SEMA4G: variants seen among roughly 807,000 people sequenced by gnomAD.
SEMA4G encodes semaphorin 4G.
In SEMA4G, 59 loss-of-function variants were observed where a neutral mutation model predicts 81.2. That is an observed-to-expected ratio of 0.73 (90% CI 0.59 to 0.90). SEMA4G has a LOEUF of 0.90. Ranked by LOEUF, SEMA4G falls within the 40% of genes least tolerant of loss-of-function variation. SEMA4G has a pLI of 0.00. For synonymous variants in SEMA4G, 404 were observed against 433.9 expected (o/e 0.93, Z 0.86); for missense variants, 952 against 1,102.3 (o/e 0.86, Z 1.93).
chr10:100,974,603 A>T lies in SEMA4G; in HGVS notation c.336+994A>T, dbSNP rs147020225. ...TACAGCAAGTGATGATTTAGCTATT[A>T]TCTCAGTTAATTCTAAAATAACCCT... On this transcript the variant is annotated intron_variant, in intron 3 of 13. Transcript: ENST00000370250. Among the ~76,000 whole-genome samples, 136 of 152,378 alleles carry T rather than the reference A, an allele frequency of 8.9e-4. 1 individual carries two copies. The highest frequency in any genetic ancestry group is 3.2e-3 in the African/African-American group (134 of 41,594).
rs771127041 is a variant in SEMA4G at position 100,977,744 on chromosome 10, T to C, written c.435+14T>C. Reference sequence around the variant, plus strand: ...TGTGCAGCCATTGTGAGTATACCTGTGTTGTGCCAGATCTCTGTTGACTTC... The same window carrying C: ...TGTGCAGCCATTGTGAGTATACCTGCGTTGTGCCAGATCTCTGTTGACTTC... On this transcript the variant is annotated intron_variant, in intron 4 of 13. Coordinates refer to ENST00000370250, the Ensembl canonical transcript of SEMA4G. The C allele has an allele frequency of 6.3e-6, 10 of 1,598,120 alleles. No individual in the cohort carries two copies. Among genetic ancestry groups the C allele is most frequent in the Middle Eastern group, 1.7e-4 (1 of 6,024 alleles).
At chr10:100,982,167 G>A (rs577171731) in intron 13 of SEMA4G, among the ~76,000 whole-genome samples, 1 of 151,828 alleles carries the variant, frequency 6.6e-6, no homozygotes, top group East Asian at 1.9e-4. Flanking sequence ...CCACAAGTTA[G>A]CCAGGCAAGC....
chr10:100,971,564 T>C (rs959995010), upstream of SEMA4G, among the ~76,000 whole-genome samples: 6 of 152,198 alleles, frequency 3.9e-5, no homozygotes, highest in African/African-American at 1.2e-4. Context: ...AGTTAATATT[T>C]GACCTGGGAG....
Position 100,973,358 on chromosome 10 carries a change from G to A in SEMA4G, c.273+81G>A. ...GGGACCTCAACTTCCTTAAAACCCTGCCAGCCTTCCATAGCCCCCTGGTCA... is the reference window on the plus strand; with the variant it reads ...GGGACCTCAACTTCCTTAAAACCCTACCAGCCTTCCATAGCCCCCTGGTCA... On this transcript the variant is annotated intron_variant, in intron 2 of 13. Coordinates refer to ENST00000370250, the Ensembl canonical transcript of SEMA4G. The surrounding 1 kb of genome is among the most constrained non-coding windows in gnomAD (Gnocchi z 5.5). 6.4e-7 allele frequency: 1 copy of A among 1,557,610 alleles called. No homozygotes were observed. The highest frequency in any genetic ancestry group is 8.7e-7 in the Non-Finnish European group (1 of 1,147,032).
exon 14 of SEMA4G, chr10:100,984,507 C>A (rs140873008): frequency 1.4e-5 from 21 of 1,535,870 alleles, no homozygotes; most frequent in Non-Finnish European, 1.8e-5. Flanking sequence ...TCTGCAGGTC[C>A]ATATGGGCTC....
chr10:100,976,078 C>T (rs735137), intron 3 of SEMA4G, among the ~76,000 whole-genome samples: 5 of 151,676 alleles, frequency 3.3e-5, no homozygotes, highest in African/African-American at 4.8e-5. Context: ...CTTATGGAGA[C>T]GGGGGACAGA....
At chr10:100,978,237 T>G in intron 4 of SEMA4G, 58 bp from the exon 6 acceptor site, 4 of 1,328,426 alleles carry the variant, frequency 3.0e-6, no homozygotes, top group Non-Finnish European at 4.3e-6. Flanking sequence ...GATCTGACTT[T>G]GAGCCACTGT....
At chr10:100,979,820 A>AC (rs772051424) in intron 8 of SEMA4G, 28 bp from the exon 10 acceptor site, 43 of 1,609,742 alleles carry the variant, frequency 2.7e-5, no homozygotes, top group Non-Finnish European at 3.5e-5. Flanking sequence ...CATGTAACTC[A>AC]CCCCCCTTGC....
At chr10:100,984,817 ACTCCC>A (rs1310336433) in exon 14 of SEMA4G, 1 of 1,527,362 alleles carries the variant, frequency 6.5e-7, no homozygotes, top group Non-Finnish European at 8.8e-7. Flanking sequence ...AGACTGCATC[ACTCCC>A]CTCCTCTCCC....
chr10:100,980,108 G>A lies in SEMA4G; in HGVS notation c.1129-14G>A, dbSNP rs1162406245. On this transcript the variant is annotated splice_polypyrimidine_tract_variant and intron_variant, in intron 9 of 13. Transcript: ENST00000370250. ...TGGAGTCCCGAGGTTCACCACCTTC[G>A]TCCCCCACGCCAGTGTATCACAGAT... 11 of 1,613,962 alleles carry A rather than the reference G, an allele frequency of 6.8e-6. No homozygotes were observed. The highest frequency in any genetic ancestry group is 4.5e-5 in the East Asian group (2 of 44,884).
At chr10:100,981,203 G>C in exon 13 of SEMA4G, 1 of 1,614,220 alleles carries the variant, frequency 6.2e-7, no homozygotes, top group South Asian at 1.1e-5. Flanking sequence ...AGAGGAAATC[G>C]AGGCTGTGAG....
chr10:100,971,827 C>T (rs11190778), upstream of SEMA4G, among the ~76,000 whole-genome samples: 481 of 152,286 alleles, frequency 3.2e-3, 3 homozygotes, highest in African/African-American at 0.011. Context: ...ACCTTCTTCA[C>T]GTTGCTTATG....
intron 13 of SEMA4G, among the ~76,000 whole-genome samples, chr10:100,982,480 T>C (rs1417189154): frequency 6.6e-6 from 1 of 152,152 alleles, no homozygotes; most frequent in Non-Finnish European, 1.5e-5. Flanking sequence ...AAACAGAATC[T>C]TAGTGACAGT....
chr10:100,984,519 A>G (rs755490675), exon 14 of SEMA4G: 23 of 1,536,096 alleles, frequency 1.5e-5, no homozygotes, highest in Middle Eastern at 1.7e-4. Context: ...TATGGGCTCA[A>G]TGTCACCACC....
chr10:100,978,835 T>G lies in SEMA4G; in HGVS notation c.644-14T>G. 2 of 1,611,676 alleles carry G rather than the reference T, an allele frequency of 1.2e-6. No homozygotes were observed. The highest frequency in any genetic ancestry group is 1.7e-6 in the Non-Finnish European group (2 of 1,178,068). On this transcript the variant is annotated splice_polypyrimidine_tract_variant and intron_variant, in intron 6 of 13. Transcript: ENST00000370250. ...AGCCTGTCTCAAAAGCCTCTCAAACTGCCTGACCCACAGATGCGGAGTTTG... is the reference window on the plus strand; with the variant it reads ...AGCCTGTCTCAAAAGCCTCTCAAACGGCCTGACCCACAGATGCGGAGTTTG...
chr10:100,983,498 C>T (rs755113434), exon 14 of SEMA4G: 44 of 1,614,190 alleles, frequency 2.7e-5, no homozygotes, highest in Non-Finnish European at 3.6e-5. Flanking sequence ...AGCACAGTGG[C>T]AACTATGGCT....
chr10:100,984,940 A>G (rs1470152414), downstream of SEMA4G: 1 of 1,285,246 alleles, frequency 7.8e-7, no homozygotes, highest in Non-Finnish European at 1.0e-6. Flanking sequence ...ATGTGGTAAC[A>G]CACACCTGTA....
At position 100,983,852 on chromosome 10, in the gene SEMA4G, TG is replaced by T; in HGVS notation, c.2243del (p.Gly748AlafsTer30). The T allele has an allele frequency of 1.3e-6, 2 of 1,587,344 alleles. No homozygotes were observed. The highest frequency in any genetic ancestry group is 1.7e-6 in the Non-Finnish European group (2 of 1,166,922). On this transcript the variant is annotated frameshift_variant, in exon 14 of 14. Coordinates refer to ENST00000370250, the Ensembl canonical transcript of SEMA4G. LOFTEE classifies it high-confidence loss of function. Reference sequence around the variant, plus strand: ...AAGATGAGGGTGATGATGAGGGGGCTGGGGGCCTGGAGGGCAGCTGTCTCCA... The same window carrying T: ...AAGATGAGGGTGATGATGAGGGGGCTGGGGCCTGGAGGGCAGCTGTCTCCA...
exon 14 of SEMA4G, chr10:100,984,433 T>G (rs1851317720): frequency 4.7e-6 from 7 of 1,492,828 alleles, no homozygotes; most frequent in Middle Eastern, 2.2e-4. Flanking sequence ...CACTTATAGG[T>G]GAGGACTCCA....
Sources: allele counts gnomAD v4.1 joint callset (sites outside exome capture counted in the v4.1 genomes callset), GRCh38; gene constraint gnomAD v4.1.1; non-coding constraint Gnocchi (gnomAD v3.1); transcripts MANE v1.5; gene names NCBI Gene and HGNC (gene_info 2026-07-23, HGNC 2026-07-21).